Variants in IPO5 observed in about 807,000 individuals in gnomAD.
IPO5 encodes importin-5.
A neutral mutation model predicts 143.3 loss-of-function variants in IPO5; 18 were observed. That is an observed-to-expected ratio of 0.13 (90% confidence interval 0.09 to 0.19). The LOEUF (loss-of-function observed/expected upper bound fraction) is 0.19, where lower values mean the gene tolerates loss of function less well. IPO5 is among the 10% of genes least tolerant of loss of function. IPO5 has a pLI of 1.00. For synonymous variants in IPO5, 477 were observed against 465.7 expected (o/e 1.02, Z -0.31); for missense variants, 1,013 against 1,336.9 (o/e 0.76, Z 3.78).
At position 98,002,741 on chromosome 13, in the gene IPO5, G is replaced by A; in HGVS notation, c.1291G>A (p.Ala431Thr). The A allele has an allele frequency of 6.2e-7, 1 of 1,612,400 alleles. No individual in the cohort carries two copies. The highest frequency in any genetic ancestry group is 8.5e-7 in the Non-Finnish European group (1 of 1,179,392). ...NAVGQMATDF[A>T]PGFQKKFHEK... Reference sequence around the variant, plus strand: ...CGTGGGACAGATGGCTACAGATTTTGCACCTGGTTTCCAAAAGAAATTTCA... The same window carrying A: ...CGTGGGACAGATGGCTACAGATTTTACACCTGGTTTCCAAAAGAAATTTCA... Residue 431 changes from alanine (A) to threonine (T), a missense_variant, in exon 15 of 29, where the codon GCA becomes ACA. By Grantham distance (58) the Ala-to-Thr change is moderately conservative (BLOSUM62 0). Transcript: ENST00000651721.
chr13:97,976,651 C>T (rs1432318169), intron 3 of IPO5, 42 bp from the exon 4 acceptor site: 3 of 1,030,250 alleles, frequency 2.9e-6, no homozygotes, highest in Non-Finnish European at 3.9e-6. Context: ...GAGCGCGCCT[C>T]ACGGCTCCTG....
intron 2 of IPO5, among the ~76,000 whole-genome samples, chr13:97,957,314 C>G (rs1884531085): frequency 1.3e-5 from 2 of 152,112 alleles, no homozygotes. Context: ...TCTCCCACCT[C>G]AGCCTCCTGA....
rs756075296 is a variant in IPO5 at position 98,021,871 on chromosome 13, C to T, written c.*49C>T. 11 of 1,287,202 alleles carry T rather than the reference C, an allele frequency of 8.5e-6. No homozygotes were observed. In the Admixed American group the frequency reaches 2.0e-4, roughly 24 times the overall value. 79.7% of individuals were successfully genotyped at this position (1,287,202 alleles called of 1,614,324 possible). The stretch of plus-strand genomic sequence containing the variant: ...AAAACTAACTCCAAATAAACGCTTA[C>T]CCTTTCCTTTAGGTTTCTTTGTTTT... On this transcript the variant is annotated 3_prime_UTR_variant, in exon 29 of 29. Transcript: ENST00000651721.
At chr13:97,973,035 CTTCTTT>C (rs1885954914) in intron 3 of IPO5, among the ~76,000 whole-genome samples, 2 of 118,820 alleles carry the variant, frequency 1.7e-5, no homozygotes, top group African/African-American at 6.4e-5. Flanking sequence ...TTTCTTTTAT[CTTCTTT>C]TTTTTTTTTT....
chr13:97,986,336 C>A lies in IPO5; in HGVS notation c.364+723C>A, dbSNP rs1296154510. ...TGACAAATATATACATATACTGTTACGTAGCTATACTATGTATATATATAT... is the reference window on the plus strand; with the variant it reads ...TGACAAATATATACATATACTGTTAAGTAGCTATACTATGTATATATATAT... On this transcript the variant is annotated intron_variant, in intron 6 of 28. Coordinates refer to ENST00000651721, the MANE Select transcript of IPO5 (RefSeq NM_002271.6). 2.6e-5 allele frequency among the ~76,000 whole-genome samples: 4 copies of A among 151,764 alleles called. No individual in the cohort carries two copies. In the South Asian group the frequency reaches 8.3e-4, roughly 31 times the overall value.
chr13:97,987,951 T>G (rs935807767), intron 6 of IPO5: 8 of 143,838 alleles, frequency 5.6e-5, no homozygotes, highest in Non-Finnish European at 8.3e-5. Context: ...CTCTCATAGA[T>G]TTTTTTTTTT....
chr13:97,982,615 C>G (rs774196637), intron 5 of IPO5, 32 bp downstream of exon 5: 3 of 1,314,358 alleles, frequency 2.3e-6, no homozygotes, highest in African/African-American at 1.5e-5. Flanking sequence ...CTATTACATT[C>G]TTAGAAAATA....
At chr13:97,997,381 T>G (rs895432193) in intron 11 of IPO5, 150 bp from the exon 12 acceptor site, 2 of 432,028 alleles carry the variant, frequency 4.6e-6, no homozygotes, top group Admixed American at 8.3e-5. Flanking sequence ...GGTTAAAATT[T>G]AACAAACCAG....
At chr13:98,018,823 G>T in intron 26 of IPO5, 119 bp downstream of exon 26, 1 of 683,452 alleles carries the variant, frequency 1.5e-6, no homozygotes, top group Non-Finnish European at 2.5e-6. Flanking sequence ...TCTGTTTTCA[G>T]ACATCTCATC....
At chr13:97,966,377 CAATT>C (rs1489812903) in intron 2 of IPO5, among the ~76,000 whole-genome samples, 2 of 152,070 alleles carry the variant, frequency 1.3e-5, no homozygotes, top group African/African-American at 4.8e-5. Context: ...TATCCTGCAT[CAATT>C]GAGATGCTCA....
rs749674338 is a variant in IPO5 at position 97,976,753 on chromosome 13, C to A, written c.57C>A (p.Leu19=). ...TCTACCTGCTCCTGGGAAACCTGCT[C>A]AGCCCCGACAATGTGGTCCGGAAAC... ...QQFYLLLGNL[L]SPDNVVRKQA... The change falls in exon 4 of 29, where the codon CTC becomes CTA. Residue 19 remains leucine, a synonymous_variant. Transcript: ENST00000651721. 2 of 1,416,274 alleles carry A rather than the reference C, an allele frequency of 1.4e-6. No individual in the cohort carries two copies. Among genetic ancestry groups the A allele is most frequent in the African/African-American group, 1.5e-5 (1 of 65,788 alleles). 87.7% of individuals were successfully genotyped at this position (1,416,274 alleles called of 1,614,324 possible).
intron 24 of IPO5, among the ~76,000 whole-genome samples, chr13:98,016,434 T>C (rs1159071861): frequency 4.6e-5 from 7 of 152,104 alleles, no homozygotes; most frequent in Non-Finnish European, 1.0e-4. Context: ...ATGTAGAAAT[T>C]AGAGATAATT....
intron 4 of IPO5, among the ~76,000 whole-genome samples, chr13:97,977,315 C>T (rs1886460359): frequency 6.6e-6 from 1 of 152,200 alleles, no homozygotes; most frequent in South Asian, 2.1e-4. Context: ...GTCCCTACTG[C>T]CTTTTTCCAT....
At chr13:97,961,395 G>A (rs1220033226) in intron 2 of IPO5, among the ~76,000 whole-genome samples, 2 of 152,176 alleles carry the variant, frequency 1.3e-5, no homozygotes, top group South Asian at 2.1e-4. Flanking sequence ...GCAATGGCAC[G>A]ATCTCGGCTC....
chr13:97,997,743 G>C (rs1888420375), intron 12 of IPO5, 125 bp downstream of exon 12: 5 of 443,860 alleles, frequency 1.1e-5, no homozygotes, highest in Non-Finnish European at 2.0e-5. Flanking sequence ...ACTTTGCCTT[G>C]CTGTTGTATT....
rs1447709262 is a variant in IPO5, at chr13:98,022,958, A to G, written c.*1136A>G. 1 of 152,698 alleles carries G rather than the reference A, an allele frequency of 6.5e-6. No homozygotes were observed. Among genetic ancestry groups the G allele is most frequent in the Non-Finnish European group, 1.5e-5 (1 of 68,050 alleles). 9.5% of individuals were successfully genotyped at this position (152,698 alleles called of 1,614,324 possible). ...TGTTTAATTTTTCTAAGGCATCTTA[A>G]TAGACTTCTGTTGAAAACTTCAGTG... On this transcript the variant is annotated 3_prime_UTR_variant, in exon 29 of 29. Coordinates refer to ENST00000651721, the MANE Select transcript of IPO5 (RefSeq NM_002271.6).
intron 18 of IPO5, among the ~76,000 whole-genome samples, chr13:98,008,661 C>CA (rs1036564533): frequency 5.5e-4 from 84 of 152,272 alleles, no homozygotes; most frequent in Admixed American, 4.8e-3. Flanking sequence ...TCTCGACACA[C>CA]ACGCACATAC....
chr13:98,002,827 A>G (rs1461623712), intron 15 of IPO5, 37 bp from the exon 16 acceptor site: 4 of 1,600,720 alleles, frequency 2.5e-6, no homozygotes, highest in East Asian at 2.2e-5. Flanking sequence ...AAGGGTGGAC[A>G]TTTCAACATG....
At chr13:97,983,546 C>CT (rs1490576805) in intron 5 of IPO5, among the ~76,000 whole-genome samples, 1 of 132,226 alleles carries the variant, frequency 7.6e-6, no homozygotes, top group Non-Finnish European at 1.6e-5. Context: ...CACCCCCCCC[C>CT]CCCACCGTCC....
Sources: gnomAD v4.1 joint callset for allele counts (sites outside exome capture counted in the v4.1 genomes callset) on GRCh38, gnomAD v4.1.1 for gene constraint, MANE v1.5 for transcripts, NCBI Gene and HGNC (gene_info 2026-07-23, HGNC 2026-07-21) for gene names.